The following BABAM2 variants were observed in gnomAD, a reference collection of about 807,000 sequenced individuals.
BABAM2 encodes the protein BRISC and BRCA1 A complex member 2.
BABAM2 carries 31 observed loss-of-function variants against 54.7 expected under a neutral mutation model. The observed-to-expected ratio is 0.57, with a 90% CI of 0.43 to 0.77. The LOEUF is 0.77. Among genes scored for constraint, BABAM2 ranks in the 30% least tolerant of loss-of-function variants. The pLI, the probability that BABAM2 is intolerant of heterozygous loss-of-function variation, is 0.00. For synonymous variants in BABAM2, 167 were observed against 162.9 expected (o/e 1.03, Z -0.19); for missense variants, 364 against 455.8 (o/e 0.80, Z 1.83).
At chr2:27,896,807 C>T in intron 2 of BABAM2, 1 of 235,208 alleles carries the variant, frequency 4.3e-6, no homozygotes. Flanking sequence ...GCAGCTTGTG[C>T]CCAACTGGGT....
chr2:28,337,062 G>A (rs887155413), intron 11 of BABAM2, among the ~76,000 whole-genome samples: 1 of 152,178 alleles, frequency 6.6e-6, no homozygotes, highest in African/African-American at 2.4e-5. Flanking sequence ...TGAGACCTTT[G>A]CAGTGCTGAG....
chr2:28,132,454 G>A lies in BABAM2; in HGVS notation c.680+3074G>A, dbSNP rs148001793. On this transcript the variant is annotated intron_variant, in intron 7 of 11. Coordinates refer to ENST00000379624, the MANE Select transcript of BABAM2 (RefSeq NM_199191.3). ...CGCCTGGCCTCTTCTTCTTTCTTAC[G>A]TTAAGAGCTCTCCACAGCATACCCT... is the stretch of plus-strand genomic sequence containing the variant. Among the ~76,000 whole-genome samples, 335 of 152,002 alleles carry A rather than the reference G, an allele frequency of 2.2e-3. 2 individuals are homozygous for A. The highest frequency in any genetic ancestry group is 7.6e-3 in the African/African-American group (315 of 41,488).
chr2:28,300,580 G>A (rs964903304), intron 11 of BABAM2, among the ~76,000 whole-genome samples: 6 of 152,180 alleles, frequency 3.9e-5, no homozygotes, highest in African/African-American at 1.4e-4. Context: ...GGCATTATTT[G>A]TGGTACGTGC....
chr2:28,206,390 G>A (rs912075060), intron 7 of BABAM2, among the ~76,000 whole-genome samples: 1 of 152,228 alleles, frequency 6.6e-6, no homozygotes, highest in Admixed American at 6.5e-5. Context: ...CATGATCCGA[G>A]CTGTGGCCTA....
chr2:28,107,730 T>C (rs1346614851), intron 6 of BABAM2, among the ~76,000 whole-genome samples: 1 of 152,250 alleles, frequency 6.6e-6, no homozygotes, highest in African/African-American at 2.4e-5. Context: ...TGTAACAATT[T>C]CAGCCTAATG....
At chr2:28,052,455 T>A (rs1471379580) in intron 6 of BABAM2, among the ~76,000 whole-genome samples, 1 of 151,908 alleles carries the variant, frequency 6.6e-6, no homozygotes, top group Non-Finnish European at 1.5e-5. Context: ...GCCTGGCTAA[T>A]TTTTGTATTT....
intron 4 of BABAM2, among the ~76,000 whole-genome samples, chr2:28,007,122 A>G (rs995605986): frequency 6.6e-6 from 1 of 151,944 alleles, no homozygotes; most frequent in South Asian, 2.1e-4. Flanking sequence ...TTGTAGCTGT[A>G]TAGCAGAGTT....
chr2:27,913,104 T>A (rs762093902), intron 2 of BABAM2, among the ~76,000 whole-genome samples: 1 of 152,104 alleles, frequency 6.6e-6, no homozygotes, highest in Non-Finnish European at 1.5e-5. Flanking sequence ...AAAATGTAGC[T>A]GGTCACCAGC....
At chr2:28,263,448 A>C (rs1322928902) in intron 10 of BABAM2, among the ~76,000 whole-genome samples, 1 of 152,214 alleles carries the variant, frequency 6.6e-6, no homozygotes, top group Non-Finnish European at 1.5e-5. Context: ...TCTTGTTCCT[A>C]GCAGTTTACT....
chr2:28,301,955 G>A (rs1688140524), intron 11 of BABAM2, among the ~76,000 whole-genome samples: 1 of 152,070 alleles, frequency 6.6e-6, no homozygotes. Context: ...TTACCTTATA[G>A]CCTCTTTCCA....
intron 7 of BABAM2, among the ~76,000 whole-genome samples, chr2:28,164,228 C>G (rs1176872270): frequency 6.6e-6 from 1 of 152,124 alleles, no homozygotes; most frequent in Admixed American, 6.6e-5. Flanking sequence ...TAGAGCAGTT[C>G]CACATGTGCA....
At chr2:28,272,095 G>A (rs1341131040) in intron 10 of BABAM2, among the ~76,000 whole-genome samples, 1 of 152,174 alleles carries the variant, frequency 6.6e-6, no homozygotes, top group East Asian at 1.9e-4. Context: ...GTGGTTTTAA[G>A]ATTCCACTTT....
chr2:27,985,036 A>G (rs1002622708), intron 3 of BABAM2, among the ~76,000 whole-genome samples: 13 of 143,452 alleles, frequency 9.1e-5, no homozygotes, highest in Non-Finnish European at 2.0e-4. Flanking sequence ...GTTTCTTTTT[A>G]TGGCTTAGTA....
chr2:28,026,886 A>ATATAAATATATATAAATATATATT lies in BABAM2; in HGVS notation c.495+1466_495+1467insTATAAATATATATAAATATATATT, dbSNP rs1558667477. The stretch of plus-strand genomic sequence containing the variant: ...TAGATATATATATTTATATATATAT[A>ATATAAATATATATAAATATATATT]GATATATATAAATATATATAAATAT... On this transcript the variant is annotated intron_variant, in intron 5 of 11. Transcript: ENST00000379624. Among the ~76,000 whole-genome samples the ATATAAATATATATAAATATATATT allele has an allele frequency of 1.5e-3, 78 of 52,568 alleles. 2 individuals are homozygous for ATATAAATATATATAAATATATATT. The highest frequency in any genetic ancestry group is 7.1e-3 in the African/African-American group (75 of 10,556). 34.5% of individuals were successfully genotyped at this position (52,568 alleles called of 152,430 possible). A position where few individuals can be genotyped will look rare whatever the true frequency, so the allele number is the denominator to read the frequency against.
intron 3 of BABAM2, among the ~76,000 whole-genome samples, chr2:27,977,115 A>G (rs1671660820): frequency 2.0e-5 from 3 of 152,236 alleles, no homozygotes; most frequent in Admixed American, 2.0e-4. Context: ...TGGAATAATT[A>G]GTGGCATCCT....
At position 28,260,383 on chromosome 2, in the gene BABAM2, C is replaced by T. The variant is rs184806333; in HGVS notation, c.934+15521C>T. Among the ~76,000 whole-genome samples, 456 of 145,840 alleles carry T rather than the reference C, an allele frequency of 3.1e-3. 4 individuals carry two copies. Among genetic ancestry groups the T allele is most frequent in the Non-Finnish European group, 3.6e-3 (244 of 67,416 alleles). On this transcript the variant is annotated intron_variant, in intron 10 of 11. Coordinates refer to ENST00000379624, the MANE Select transcript of BABAM2 (RefSeq NM_199191.3). Reference sequence around the variant, plus strand: ...GTGGCACAATCTTGGTTCACTGCAACCTCTGCCTCCCGGGTTCAGGTGATT... The same window carrying T: ...GTGGCACAATCTTGGTTCACTGCAATCTCTGCCTCCCGGGTTCAGGTGATT...
At chr2:27,908,675 T>C (rs537321077) in intron 2 of BABAM2, among the ~76,000 whole-genome samples, 9 of 152,304 alleles carry the variant, frequency 5.9e-5, no homozygotes, top group East Asian at 5.8e-4. Context: ...ACCCAGTGTT[T>C]AGCTTCCACT....
At chr2:28,179,646 A>G (rs1675403514) in intron 7 of BABAM2, among the ~76,000 whole-genome samples, 1 of 152,218 alleles carries the variant, frequency 6.6e-6, no homozygotes, top group Admixed American at 6.5e-5. Flanking sequence ...GTCAAGAGAA[A>G]GAAATAAAGG....
At chr2:28,311,260 CAAAAA>C (rs11309935) in intron 11 of BABAM2, among the ~76,000 whole-genome samples, 8 of 110,452 alleles carry the variant, frequency 7.2e-5, no homozygotes, top group Admixed American at 1.8e-4. Flanking sequence ...GACCCTGTCT[CAAAAA>C]AAAAAAAAAA....
Sources: gnomAD v4.1 joint callset for allele counts (sites outside exome capture counted in the v4.1 genomes callset) on GRCh38, gnomAD v4.1.1 for gene constraint, MANE v1.5 for transcripts, NCBI Gene and HGNC (gene_info 2026-07-23, HGNC 2026-07-21) for gene names.